Variants in DIP2C observed in about 807,000 individuals in gnomAD.
The protein encoded by DIP2C is DIP2 acetate--CoA ligase C (putative).
A neutral mutation model predicts 192.4 loss-of-function variants in DIP2C; 33 were observed. The ratio of observed to expected loss-of-function variants is 0.17; its 90% CI spans 0.13 to 0.23. DIP2C has a LOEUF of 0.23. DIP2C is among the 10% of genes least tolerant of loss of function. The pLI is 1.00. For synonymous variants in DIP2C, 979 were observed against 864.1 expected (o/e 1.13, Z -2.33); for missense variants, 1,537 against 2,110.1 (o/e 0.73, Z 5.32).
chr10:444,172 A>G (rs1967964620), intron 3 of DIP2C, among the ~76,000 whole-genome samples: 1 of 151,990 alleles, frequency 6.6e-6, no homozygotes, highest in South Asian at 2.1e-4. Flanking sequence ...CTGTTCATTC[A>G]TGAGGAGTGT....
At chr10:495,544 T>C (rs1211296903) in intron 1 of DIP2C, among the ~76,000 whole-genome samples, 1 of 151,408 alleles carries the variant, frequency 6.6e-6, no homozygotes, top group Non-Finnish European at 1.5e-5. Flanking sequence ...AAAAATTCTG[T>C]TTCTTCTAGC....
chr10:376,941 G>A (rs77299831), intron 17 of DIP2C, among the ~76,000 whole-genome samples: 10 of 152,164 alleles, frequency 6.6e-5, no homozygotes, highest in African/African-American at 2.2e-4. Context: ...CAACAGATAA[G>A]TGAGATTGCG....
intron 5 of DIP2C, among the ~76,000 whole-genome samples, chr10:421,721 T>C (rs1966194398): frequency 6.6e-6 from 1 of 152,204 alleles, no homozygotes; most frequent in Non-Finnish European, 1.5e-5. Context: ...ACAACAGTTC[T>C]GAGAGAGAAA....
In DIP2C at chr10:572,466, ACT is replaced by A. The variant is rs1489101522; in HGVS notation, c.86-85938_86-85937del. 2.6e-5 allele frequency among the ~76,000 whole-genome samples: 4 copies of A among 152,076 alleles called. 1 individual carries two copies. Among genetic ancestry groups the A allele is most frequent in the South Asian group, 4.2e-4 (2 of 4,816 alleles). On this transcript the variant is annotated intron_variant, in intron 1 of 36. Coordinates refer to ENST00000280886, the MANE Select transcript of DIP2C (RefSeq NM_014974.3). ...AGTGGGTGAGTCTAATGTTGATGAC[ACT>A]CTCTCAATATTCCCATCACACCCCT...
intron 9 of DIP2C, among the ~76,000 whole-genome samples, chr10:403,663 AT>A (rs1294284936): frequency 5.3e-5 from 5 of 94,112 alleles, no homozygotes; most frequent in African/African-American, 1.6e-4. Flanking sequence ...GTATGTGTTC[AT>A]CAGCACATGA....
chr10:487,582 T>G (rs1009649303), intron 1 of DIP2C, among the ~76,000 whole-genome samples: 23 of 134,636 alleles, frequency 1.7e-4, no homozygotes, highest in East Asian at 1.5e-3. Context: ...TTTTTTTTTT[T>G]TTTTTTTTTT....
At chr10:633,164 C>T (rs970328858) in intron 1 of DIP2C, among the ~76,000 whole-genome samples, 5 of 152,234 alleles carry the variant, frequency 3.3e-5, no homozygotes, top group Admixed American at 6.5e-5. Flanking sequence ...TAATAAGATA[C>T]TTTGTTCTAA....
intron 1 of DIP2C, among the ~76,000 whole-genome samples, chr10:557,726 G>A (rs1164830235): frequency 6.7e-5 from 4 of 59,394 alleles, no homozygotes; most frequent in African/African-American, 2.5e-4. Flanking sequence ...GCAGGGCAGG[G>A]GAGGGGAAGG....
intron 4 of DIP2C, among the ~76,000 whole-genome samples, chr10:424,641 G>C (rs987102827): frequency 2.0e-5 from 3 of 152,102 alleles, no homozygotes; most frequent in African/African-American, 7.2e-5. Flanking sequence ...TGAGATTACA[G>C]GCCTGAGCCA....
chr10:509,414 C>A (rs940546917), intron 1 of DIP2C, among the ~76,000 whole-genome samples: 38 of 152,300 alleles, frequency 2.5e-4, no homozygotes. Flanking sequence ...TGGATCCATC[C>A]GCGCTGCTCC....
chr10:601,979 T>C (rs1852108135), intron 1 of DIP2C, among the ~76,000 whole-genome samples: 1 of 150,974 alleles, frequency 6.6e-6, no homozygotes, highest in Non-Finnish European at 1.5e-5. Flanking sequence ...AGGCAGAGAA[T>C]GGGTGTTTGA....
At chr10:533,413 G>T (rs181831057) in intron 1 of DIP2C, among the ~76,000 whole-genome samples, 25 of 152,182 alleles carry the variant, frequency 1.6e-4, no homozygotes, top group East Asian at 7.7e-4. Flanking sequence ...TAACAGCCTC[G>T]GGGCAAACTA....
intron 1 of DIP2C, among the ~76,000 whole-genome samples, chr10:672,903 T>C (rs1219930064): frequency 6.6e-6 from 1 of 151,700 alleles, no homozygotes; most frequent in Non-Finnish European, 1.5e-5. Context: ...ATGACACACA[T>C]AAAAAAAAAT....
In DIP2C at chr10:364,557, G is replaced by T; in HGVS notation, c.2294C>A (p.Ala765Asp). 1 of 1,614,050 alleles carries T rather than the reference G, an allele frequency of 6.2e-7. No homozygotes were observed. Among genetic ancestry groups the T allele is most frequent in the Non-Finnish European group, 8.5e-7 (1 of 1,179,926 alleles). ...TATGAATGGGTATTCACTGATCGGA[G>T]CCCCGGAGCTTGTCATGGGAAACAC... ...FEVFPMTSSG[A>D]PISEYPFIRT... Residue 765 changes from alanine (A) to aspartate (D), a missense_variant, in exon 20 of 37, where the codon GCT becomes GAT. Transcript: ENST00000280886.
At chr10:408,902 T>C (rs747275188) in intron 9 of DIP2C, 24 bp downstream of exon 9, 2 of 1,611,992 alleles carry the variant, frequency 1.2e-6, no homozygotes, top group Admixed American at 3.3e-5. Flanking sequence ...GTTTTGTAGA[T>C]CCAGCAGTTT....
intron 1 of DIP2C, among the ~76,000 whole-genome samples, chr10:550,459 T>C (rs897159855): frequency 2.0e-5 from 3 of 152,226 alleles, no homozygotes; most frequent in Non-Finnish European, 4.4e-5. Flanking sequence ...GAAGGATCTA[T>C]GGACAAAGTG....
chr10:571,678 C>T (rs1037442656), intron 1 of DIP2C, among the ~76,000 whole-genome samples: 22 of 152,198 alleles, frequency 1.4e-4, no homozygotes, highest in African/African-American at 5.1e-4. Context: ...GTGTTTTGGA[C>T]CATCTGGATG....
Position 670,216 on chromosome 10 carries a change from A to G in DIP2C, c.85+19278T>C, listed in dbSNP as rs1564328308. ...CATGTGTGCACATGTATGCACACAT[A>G]CGCACACGCATGCATGCACACGCAT... On this transcript the variant is annotated intron_variant, in intron 1 of 36. Transcript: ENST00000280886. Among the ~76,000 whole-genome samples, 5 of 152,178 alleles carry G rather than the reference A, an allele frequency of 3.3e-5. No homozygotes were observed. The South Asian group carries it at 6.2e-4, about 19-fold the overall frequency.
At chr10:663,009 C>T in intron 1 of DIP2C, 1 of 707,322 alleles carries the variant, frequency 1.4e-6, no homozygotes, top group South Asian at 1.5e-5. Context: ...AAAAGGGTTT[C>T]TATGTCCAGG....
Sources: allele counts gnomAD v4.1 joint callset (sites outside exome capture counted in the v4.1 genomes callset), GRCh38; gene constraint gnomAD v4.1.1; transcripts MANE v1.5; gene names NCBI Gene and HGNC (gene_info 2026-07-23, HGNC 2026-07-21).